The following PHLDB2 variants were observed in gnomAD, a reference collection of about 807,000 sequenced individuals.
PHLDB2 encodes pleckstrin homology-like domain family B member 2.
PHLDB2 carries 71 observed loss-of-function variants against 123.6 expected under a neutral mutation model. The ratio of observed to expected loss-of-function variants is 0.57; its 90% CI spans 0.47 to 0.70. PHLDB2 has a LOEUF of 0.70. Ranked by LOEUF, PHLDB2 falls within the 30% of genes least tolerant of loss-of-function variation. The pLI is 0.00. For missense variants in PHLDB2, 1,446 were observed against 1,519.5 expected (o/e 0.95, Z 0.80); for synonymous variants, 547 against 541.6 (o/e 1.01, Z -0.14).
intron 12 of PHLDB2, among the ~76,000 whole-genome samples, chr3:111,955,493 G>GGCTGGAAT (rs1172802866): frequency 1.3e-5 from 2 of 152,060 alleles, no homozygotes; most frequent in Non-Finnish European, 2.9e-5. Context: ...CTGTTGTCCA[G>GGCTGGAAT]GCTGGAATGC....
intron 1 of PHLDB2, among the ~76,000 whole-genome samples, chr3:111,752,216 CT>C (rs1221471997): frequency 1.1e-5 from 1 of 93,882 alleles, no homozygotes. Flanking sequence ...GTGGAAGTTT[CT>C]AAGTGTGTGT....
At chr3:111,868,999 A>T (rs2065216960) in intron 1 of PHLDB2, among the ~76,000 whole-genome samples, 1 of 152,210 alleles carries the variant, frequency 6.6e-6, no homozygotes, top group Non-Finnish European at 1.5e-5. Flanking sequence ...CCTCTTTACT[A>T]AGAGACCTAT....
chr3:111,889,115 CTT>C (rs963264406), intron 2 of PHLDB2, among the ~76,000 whole-genome samples: 1 of 152,136 alleles, frequency 6.6e-6, no homozygotes, highest in African/African-American at 2.4e-5. Flanking sequence ...TAGAAGTAAT[CTT>C]AGCTTATGTT....
chr3:111,944,761 A>G (rs1465536924), intron 8 of PHLDB2, among the ~76,000 whole-genome samples: 1 of 151,984 alleles, frequency 6.6e-6, no homozygotes, highest in African/African-American at 2.4e-5. Context: ...GCTCACTGCA[A>G]CCTCCGCCTC....
intron 1 of PHLDB2, among the ~76,000 whole-genome samples, chr3:111,780,530 C>T (rs1158275171): frequency 1.3e-5 from 2 of 151,614 alleles, no homozygotes; most frequent in African/African-American, 2.4e-5. Flanking sequence ...TTCTCAGCCT[C>T]CAGAACCATG....
At chr3:111,830,946 A>AGAAG (rs144414303) in intron 1 of PHLDB2, among the ~76,000 whole-genome samples, 5,519 of 102,616 alleles carry the variant, frequency 0.054, 547 homozygotes, top group African/African-American at 0.15. Context: ...AAAGAAGGAA[A>AGAAG]GAAAGAAAGA....
chr3:111,821,617 A>C (rs1029864458), intron 1 of PHLDB2, among the ~76,000 whole-genome samples: 1 of 152,174 alleles, frequency 6.6e-6, no homozygotes, highest in East Asian at 1.9e-4. Context: ...TGCTTTATTT[A>C]AAGGTTGCTC....
chr3:111,853,415 T>C (rs2064346803), intron 2 of PHLDB2, among the ~76,000 whole-genome samples: 1 of 152,174 alleles, frequency 6.6e-6, no homozygotes, highest in Non-Finnish European at 1.5e-5. Flanking sequence ...GTGTGTAAAT[T>C]GGAACTGAAC....
intron 1 of PHLDB2, among the ~76,000 whole-genome samples, chr3:111,817,903 A>C (rs1250010017): frequency 6.6e-6 from 1 of 152,176 alleles, no homozygotes; most frequent in Non-Finnish European, 1.5e-5. Flanking sequence ...TAATATTAAT[A>C]TATTATTGAA....
intron 2 of PHLDB2, among the ~76,000 whole-genome samples, chr3:111,895,991 ATATT>A (rs1308350868): frequency 3.9e-5 from 6 of 151,998 alleles, no homozygotes; most frequent in African/African-American, 1.5e-4. Context: ...TAGTATATCT[ATATT>A]TATTTATTAT....
intron 1 of PHLDB2, among the ~76,000 whole-genome samples, chr3:111,801,892 G>T (rs1013019708): frequency 6.6e-6 from 1 of 151,934 alleles, no homozygotes; most frequent in Admixed American, 6.6e-5. Flanking sequence ...GTTTTGTTTT[G>T]TTTTGTTTTG....
chr3:111,846,124 T>A, intron 2 of PHLDB2: 3 of 582,584 alleles, frequency 5.1e-6, no homozygotes, highest in Non-Finnish European at 9.2e-6. Context: ...CCACCATATC[T>A]TACTTCACTG....
At chr3:111,951,976 C>A (rs1215175708) in intron 10 of PHLDB2, among the ~76,000 whole-genome samples, 1 of 152,024 alleles carries the variant, frequency 6.6e-6, no homozygotes, top group African/African-American at 2.4e-5. Flanking sequence ...ATTAAATAGT[C>A]CATTAGAGGA....
chr3:111,800,820 G>A (rs1278181540), intron 1 of PHLDB2, among the ~76,000 whole-genome samples: 8 of 152,242 alleles, frequency 5.3e-5, no homozygotes, highest in Middle Eastern at 3.4e-3. Flanking sequence ...TAACACTGAG[G>A]GAGTGTGAGA....
rs754771586 is a variant in PHLDB2, at chr3:111,973,714, A to C, written c.3536-18A>C. ...CCTCAGTGGCGATAAAGTATTTAAC[A>C]CTTATCTGTCTTTGCAGACAAGCAT... On this transcript the variant is annotated intron_variant, in intron 16 of 17. Transcript: ENST00000431670. 3.4e-6 allele frequency: 5 copies of C among 1,474,960 alleles called. No individual in the cohort carries two copies. Among genetic ancestry groups the C allele is most frequent in the African/African-American group, 2.8e-5 (2 of 71,914 alleles). The allele number at this position is 1,474,960 out of a possible 1,614,324, so 91.4% of individuals were successfully genotyped here. A position where few individuals can be genotyped will look rare whatever the true frequency, so the allele number is the denominator to read the frequency against.
chr3:111,853,263 G>T (rs2064339195), intron 2 of PHLDB2, among the ~76,000 whole-genome samples: 1 of 152,084 alleles, frequency 6.6e-6, no homozygotes, highest in Non-Finnish European at 1.5e-5. Flanking sequence ...TGGCAACAAG[G>T]ATACAAAGAG....
chr3:111,885,825 C>T (rs1312918904), intron 2 of PHLDB2: 35 of 545,084 alleles, frequency 6.4e-5, no homozygotes, highest in Non-Finnish European at 1.1e-4. Context: ...TCATGACTCA[C>T]CAAGAATTAG....
chr3:111,792,417 A>G (rs145967918), intron 1 of PHLDB2, among the ~76,000 whole-genome samples: 1 of 152,182 alleles, frequency 6.6e-6, no homozygotes, highest in East Asian at 1.9e-4. Context: ...TATCATCAAG[A>G]TCTGAGCACC....
intron 1 of PHLDB2, among the ~76,000 whole-genome samples, chr3:111,815,396 T>A (rs2062029185): frequency 6.6e-6 from 1 of 152,138 alleles, no homozygotes; most frequent in Non-Finnish European, 1.5e-5. Context: ...CCTAGAGACT[T>A]ACTGAATGAC....
Sources: gnomAD v4.1 joint callset for allele counts (sites outside exome capture counted in the v4.1 genomes callset) on GRCh38, gnomAD v4.1.1 for gene constraint, MANE v1.5 for transcripts, NCBI Gene and HGNC (gene_info 2026-07-23, HGNC 2026-07-21) for gene names.